Variants in ABCC4 observed in about 807,000 individuals in gnomAD.
ABCC4 encodes the protein ATP-binding cassette sub-family C member 4.
ABCC4 carries 102 observed loss-of-function variants against 168.5 expected under a neutral mutation model. The observed-to-expected ratio is 0.61, with a 90% CI of 0.52 to 0.71. The LOEUF (loss-of-function observed/expected upper bound fraction) is 0.71, where lower values mean the gene tolerates loss of function less well. ABCC4 is among the 30% of genes least tolerant of loss of function. ABCC4 has a pLI of 0.00. For synonymous variants in ABCC4, 617 were observed against 590.7 expected (o/e 1.04, Z -0.65); for missense variants, 1,402 against 1,605.8 (o/e 0.87, Z 2.17).
intron 4 of ABCC4, among the ~76,000 whole-genome samples, chr13:95,229,072 G>A (rs1327232180): frequency 6.6e-6 from 1 of 152,044 alleles, no homozygotes; most frequent in African/African-American, 2.4e-5. Context: ...TGCATACAGG[G>A]AATATGCATT....
chr13:95,145,248 TAAAAG>T (rs2036453299), intron 19 of ABCC4, among the ~76,000 whole-genome samples: 1 of 152,064 alleles, frequency 6.6e-6, no homozygotes, highest in Admixed American at 6.5e-5. Context: ...TCAAAGAACT[TAAAAG>T]AAAACTACCA....
At chr13:95,130,105 CT>C (rs1158102401) in intron 19 of ABCC4, among the ~76,000 whole-genome samples, 1 of 149,694 alleles carries the variant, frequency 6.7e-6, no homozygotes, top group African/African-American at 2.4e-5. Context: ...AAGAAAGAAA[CT>C]TAACAGAAAA....
At chr13:95,261,774 T>C (rs565898488) in intron 1 of ABCC4, among the ~76,000 whole-genome samples, 10 of 152,264 alleles carry the variant, frequency 6.6e-5, no homozygotes, top group Admixed American at 5.9e-4. Flanking sequence ...TGCATTACTA[T>C]ATTCTAATGA....
intron 6 of ABCC4, among the ~76,000 whole-genome samples, chr13:95,208,239 G>T (rs1594299697): frequency 6.6e-6 from 1 of 151,336 alleles, no homozygotes; most frequent in East Asian, 1.9e-4. Flanking sequence ...CGAGCCTGAC[G>T]ATAACACAGT....
intron 3 of ABCC4, among the ~76,000 whole-genome samples, chr13:95,238,121 G>A (rs1323462340): frequency 6.7e-6 from 1 of 148,398 alleles, no homozygotes; most frequent in Non-Finnish European, 1.5e-5. Flanking sequence ...CTTGAACCCA[G>A]GAGGTAAGGC....
chr13:95,164,759 A>G (rs986010444), intron 15 of ABCC4, among the ~76,000 whole-genome samples: 1 of 152,010 alleles, frequency 6.6e-6, no homozygotes, highest in African/African-American at 2.4e-5. Context: ...TAGTGGCGCG[A>G]TCTTGGCTCA....
intron 4 of ABCC4, among the ~76,000 whole-genome samples, chr13:95,230,495 G>A (rs1206307732): frequency 6.6e-6 from 1 of 152,122 alleles, no homozygotes; most frequent in African/African-American, 2.4e-5. Flanking sequence ...GCAAGGACTC[G>A]GCCGGGTACA....
At chr13:95,214,392 G>T (rs187181805) in intron 4 of ABCC4, among the ~76,000 whole-genome samples, 70 of 152,146 alleles carry the variant, frequency 4.6e-4, no homozygotes, top group Non-Finnish European at 4.3e-4. Flanking sequence ...ATAATGACTG[G>T]AATTTTACCA....
At chr13:95,024,648 G>T (rs2031298954) in intron 30 of ABCC4, among the ~76,000 whole-genome samples, 1 of 152,094 alleles carries the variant, frequency 6.6e-6, no homozygotes, top group African/African-American at 2.4e-5. Context: ...GATGTGTATG[G>T]CCCTAATTCA....
chr13:95,143,669 C>A (rs1418119609), intron 19 of ABCC4, among the ~76,000 whole-genome samples: 1 of 152,204 alleles, frequency 6.6e-6, no homozygotes. Flanking sequence ...TAGCACCATT[C>A]CACAGTATCT....
chr13:95,284,535 T>C (rs555888232), intron 1 of ABCC4, among the ~76,000 whole-genome samples: 1 of 152,312 alleles, frequency 6.6e-6, no homozygotes, highest in African/African-American at 2.4e-5. Context: ...TTGGGACATA[T>C]ACAGGCAAGG....
At chr13:95,113,482 GTTTAT>G (rs546444117) in intron 20 of ABCC4, among the ~76,000 whole-genome samples, 191 of 151,438 alleles carry the variant, frequency 1.3e-3, no homozygotes, top group Middle Eastern at 3.4e-3. Context: ...CCATAATAGT[GTTTAT>G]TTTAAGTTTA....
At chr13:95,282,413 G>A (rs2138920837) in intron 1 of ABCC4, among the ~76,000 whole-genome samples, 1 of 152,328 alleles carries the variant, frequency 6.6e-6, no homozygotes, top group South Asian at 2.1e-4. Context: ...CAGGGGTTCT[G>A]ACAGGTCTCA....
At chr13:95,154,075 A>G (rs1326966201) in intron 19 of ABCC4, among the ~76,000 whole-genome samples, 1 of 152,054 alleles carries the variant, frequency 6.6e-6, no homozygotes, top group African/African-American at 2.4e-5. Context: ...TTCAAAGCTG[A>G]AAAAACAATA....
At chr13:95,119,455 C>G (rs2035488133) in intron 19 of ABCC4, among the ~76,000 whole-genome samples, 1 of 151,984 alleles carries the variant, frequency 6.6e-6, no homozygotes, top group Non-Finnish European at 1.5e-5. Flanking sequence ...AGAGAGAAAC[C>G]AAGCTCCTTT....
intron 1 of ABCC4, among the ~76,000 whole-genome samples, chr13:95,288,181 A>G (rs2041309178): frequency 6.6e-6 from 1 of 152,194 alleles, no homozygotes; most frequent in Non-Finnish European, 1.5e-5. Flanking sequence ...TGTCTTGCCT[A>G]AGGTCACACA....
intron 3 of ABCC4, among the ~76,000 whole-genome samples, chr13:95,242,506 G>A (rs373101611): frequency 6.6e-5 from 10 of 151,824 alleles, no homozygotes; most frequent in East Asian, 1.9e-4. Flanking sequence ...GATTACAGGC[G>A]TGAGCCACTG....
intron 13 of ABCC4, among the ~76,000 whole-genome samples, chr13:95,175,505 G>T (rs2037645867): frequency 6.6e-6 from 1 of 152,082 alleles, no homozygotes; most frequent in African/African-American, 2.4e-5. Flanking sequence ...TAGAGATGGG[G>T]TTTCACAACG....
At chr13:95,243,078 T>C (rs1256357195) in intron 3 of ABCC4, among the ~76,000 whole-genome samples, 1 of 152,222 alleles carries the variant, frequency 6.6e-6, no homozygotes, top group Non-Finnish European at 1.5e-5. Flanking sequence ...CACCAAGATA[T>C]TGGTGTAAAC....
Sources: allele counts gnomAD v4.1 joint callset (sites outside exome capture counted in the v4.1 genomes callset), GRCh38; gene constraint gnomAD v4.1.1; transcripts MANE v1.5; gene names NCBI Gene and HGNC (gene_info 2026-07-23, HGNC 2026-07-21).